GREM2: variants seen among roughly 807,000 people sequenced by gnomAD.
GREM2 encodes gremlin-2.
GREM2 carries 11 observed loss-of-function variants against 14.2 expected under a neutral mutation model. The ratio of observed to expected loss-of-function variants is 0.78; its 90% CI spans 0.49 to 1.28. The LOEUF is 1.28. GREM2 is among the 50% of genes most tolerant of loss of function. The pLI is 0.00. For missense variants in GREM2, 210 were observed against 218.5 expected (o/e 0.96, Z 0.24); for synonymous variants, 98 against 97.6 (o/e 1.00, Z -0.02).
intron 1 of GREM2, among the ~76,000 whole-genome samples, chr1:240,574,040 C>T (rs1473533306): frequency 2.0e-5 from 3 of 152,150 alleles, no homozygotes; most frequent in East Asian, 1.9e-4. Flanking sequence ...CTTGCCTCAG[C>T]CTCCCAAGTA....
chr1:240,600,392 G>T (rs1679898790), intron 1 of GREM2, among the ~76,000 whole-genome samples: 1 of 152,134 alleles, frequency 6.6e-6, no homozygotes, highest in Admixed American at 6.5e-5. Context: ...TGAAATAACA[G>T]TTCACTAATC....
At chr1:240,599,357 T>C (rs1679876555) in intron 1 of GREM2, among the ~76,000 whole-genome samples, 1 of 152,042 alleles carries the variant, frequency 6.6e-6, no homozygotes. Flanking sequence ...TGCCTGGTTC[T>C]GTGCATGTGT....
At chr1:240,507,465 T>A (rs1677703705) in intron 1 of GREM2, among the ~76,000 whole-genome samples, 1 of 152,138 alleles carries the variant, frequency 6.6e-6, no homozygotes, top group Non-Finnish European at 1.5e-5. Flanking sequence ...CAAAAGTAGC[T>A]GGGATTACAG....
chr1:240,514,717 G>A (rs867074127), intron 1 of GREM2, among the ~76,000 whole-genome samples: 1 of 152,266 alleles, frequency 6.6e-6, no homozygotes, highest in Middle Eastern at 3.4e-3. Flanking sequence ...TGGGCAACAT[G>A]GTGAAACACC....
At position 240,510,369 on chromosome 1, in the gene GREM2, C is replaced by CAAAAAAAAAAAA. The variant is rs71170753; in HGVS notation, c.-1-16905_-1-16894dup. On this transcript the variant is annotated intron_variant, in intron 1 of 1. Coordinates refer to ENST00000318160, the MANE Select transcript of GREM2 (RefSeq NM_022469.4). ...TGGGCGACAGAGCGAGACTCCGTCG[C>CAAAAAAAAAAAA]AAAAAAAAAAAAAAAAAAAAAAAAA... Among the ~76,000 whole-genome samples, 2 of 59,540 alleles carry CAAAAAAAAAAAA rather than the reference C, an allele frequency of 3.4e-5. 1 individual carries two copies. The highest frequency in any genetic ancestry group is 5.9e-5 in the Non-Finnish European group (2 of 33,834). 39.1% of individuals were successfully genotyped at this position (59,540 alleles called of 152,430 possible).
At chr1:240,607,859 G>C (rs907660349) in intron 1 of GREM2, among the ~76,000 whole-genome samples, 3 of 152,150 alleles carry the variant, frequency 2.0e-5, no homozygotes, top group Admixed American at 1.3e-4. Flanking sequence ...TATTGTTTTT[G>C]CATATGTGAA....
At chr1:240,495,279 T>C (rs967736116) in intron 1 of GREM2, among the ~76,000 whole-genome samples, 3 of 152,218 alleles carry the variant, frequency 2.0e-5, no homozygotes, top group African/African-American at 4.8e-5. Flanking sequence ...TTTTACCTTC[T>C]CTAGGACTCC....
At chr1:240,531,347 G>A (rs1263915868) in intron 1 of GREM2, among the ~76,000 whole-genome samples, 1 of 152,108 alleles carries the variant, frequency 6.6e-6, no homozygotes, top group African/African-American at 2.4e-5. Context: ...AATTTTTCTG[G>A]AAGATTACTT....
intron 1 of GREM2, among the ~76,000 whole-genome samples, chr1:240,499,510 C>T (rs9728774): frequency 0.027 from 4,073 of 152,286 alleles, 207 homozygotes; most frequent in African/African-American, 0.094. Context: ...CAAGATTACA[C>T]TTCAGAGGTC....
chr1:240,576,191 A>G (rs1679369785), intron 1 of GREM2, among the ~76,000 whole-genome samples: 1 of 152,228 alleles, frequency 6.6e-6, no homozygotes, highest in Non-Finnish European at 1.5e-5. Context: ...TCGTGGAGAC[A>G]GCATACAAGC....
intron 1 of GREM2, among the ~76,000 whole-genome samples, chr1:240,602,162 C>T (rs1679936963): frequency 6.6e-6 from 1 of 152,126 alleles, no homozygotes; most frequent in Admixed American, 6.5e-5. Flanking sequence ...ATTTTCAGAG[C>T]TTGCCCAGGC....
intron 1 of GREM2, among the ~76,000 whole-genome samples, chr1:240,505,983 TA>T (rs961418929): frequency 6.6e-6 from 1 of 151,864 alleles, no homozygotes; most frequent in African/African-American, 2.4e-5. Flanking sequence ...ACCATTTTTT[TA>T]AAAAAAAGAT....
chr1:240,505,513 T>C (rs988121078), intron 1 of GREM2, among the ~76,000 whole-genome samples: 1 of 152,172 alleles, frequency 6.6e-6, no homozygotes, highest in Admixed American at 6.5e-5. Flanking sequence ...ATTTACCTTT[T>C]TGTATTTAAT....
chr1:240,502,925 G>A (rs1022052866), intron 1 of GREM2, among the ~76,000 whole-genome samples: 2 of 152,162 alleles, frequency 1.3e-5, no homozygotes, highest in Non-Finnish European at 2.9e-5. Flanking sequence ...GGGCAATAAG[G>A]TAACTGTGAG....
chr1:240,493,022 C>T lies in GREM2; in HGVS notation c.454G>A (p.Val152Met). The T allele has an allele frequency of 6.3e-7, 1 of 1,594,710 alleles. No homozygotes were observed. Among genetic ancestry groups the T allele is most frequent in the Non-Finnish European group, 8.6e-7 (1 of 1,167,034 alleles). ...PPFRLKKIQK[V>M]KQCRCMSVNL... is the part of the protein sequence containing the mutation. ...ACGGACATGCACCGGCACTGCTTCA[C>T]CTTCTGGATTTTCTTGAGTCGGAAG... is the stretch of plus-strand genomic sequence containing the variant. Residue 152 changes from valine (V) to methionine (M), a missense_variant, in exon 2 of 2, where the codon GTG becomes ATG. Physicochemically the swap from Val to Met is conservative, Grantham distance 21. Coordinates refer to ENST00000318160, the MANE Select transcript of GREM2 (RefSeq NM_022469.4).
intron 1 of GREM2, among the ~76,000 whole-genome samples, chr1:240,499,344 G>A (rs1677511295): frequency 6.6e-6 from 1 of 152,190 alleles, no homozygotes; most frequent in Non-Finnish European, 1.5e-5. Context: ...GCGTGGGGCT[G>A]AAACTTTTTC....
chr1:240,544,500 T>C (rs767802016), intron 1 of GREM2, among the ~76,000 whole-genome samples: 3 of 152,144 alleles, frequency 2.0e-5, no homozygotes, highest in Non-Finnish European at 2.9e-5. Context: ...TTTGGTATCA[T>C]TGAGAGATGA....
At chr1:240,574,351 G>T (rs750800706) in intron 1 of GREM2, among the ~76,000 whole-genome samples, 1 of 152,088 alleles carries the variant, frequency 6.6e-6, no homozygotes, top group Non-Finnish European at 1.5e-5. Context: ...TCTTAGAAAA[G>T]AACCTACTAG....
intron 1 of GREM2, among the ~76,000 whole-genome samples, chr1:240,538,269 T>C (rs533375832): frequency 6.6e-6 from 1 of 152,350 alleles, no homozygotes; most frequent in South Asian, 2.1e-4. Flanking sequence ...TTACCCTTTT[T>C]AAACTTTCTT....
Sources: gnomAD v4.1 joint callset for allele counts (sites outside exome capture counted in the v4.1 genomes callset) on GRCh38, gnomAD v4.1.1 for gene constraint, MANE v1.5 for transcripts, NCBI Gene and HGNC (gene_info 2026-07-23, HGNC 2026-07-21) for gene names.